Variants in DLC1 observed in about 807,000 individuals in gnomAD.
DLC1 encodes DLC1 Rho GTPase activating protein, also known as rho GTPase-activating protein 7.
DLC1 carries 54 observed loss-of-function variants against 140.3 expected under a neutral mutation model. That is an observed-to-expected ratio of 0.38 (90% CI 0.31 to 0.48). The LOEUF is 0.48. DLC1 is among the 20% of genes least tolerant of loss of function. The probability of loss-of-function intolerance (pLI) is 0.96; values close to 1 mark genes in which losing one functional copy is unlikely to be tolerated. For missense variants in DLC1, 2,536 were observed against 1,907.0 expected, an observed-to-expected ratio of 1.33 and a Z score of -6.14; for synonymous variants, 986 against 728.1, an observed-to-expected ratio of 1.35 and a Z score of -5.70.
At chr8:13,123,605 C>G (rs1221847782) in intron 5 of DLC1, among the ~76,000 whole-genome samples, 1 of 152,028 alleles carries the variant, frequency 6.6e-6, no homozygotes, top group African/African-American at 2.4e-5. Context: ...GCCTCGGCCT[C>G]CCTCCCAAAG....
intron 2 of DLC1, among the ~76,000 whole-genome samples, chr8:13,480,321 A>C (rs1800667427): frequency 6.6e-6 from 1 of 152,220 alleles, no homozygotes; most frequent in Non-Finnish European, 1.5e-5. Flanking sequence ...CCAGAAAAAT[A>C]AGAATATAAG....
chr8:13,329,097 A>C (rs1230748839), intron 4 of DLC1, among the ~76,000 whole-genome samples: 1 of 152,198 alleles, frequency 6.6e-6, no homozygotes. Context: ...CAAATATCAC[A>C]GGAGCATCAA....
chr8:13,303,968 C>T (rs1832313128), intron 5 of DLC1, among the ~76,000 whole-genome samples: 1 of 152,194 alleles, frequency 6.6e-6, no homozygotes, highest in South Asian at 2.1e-4. Flanking sequence ...TCTTTCCCCT[C>T]CTGACCAGCC....
At chr8:13,293,517 C>T (rs1001135887) in intron 5 of DLC1, among the ~76,000 whole-genome samples, 4 of 152,172 alleles carry the variant, frequency 2.6e-5, no homozygotes, top group Non-Finnish European at 5.9e-5. Flanking sequence ...TGAGTTGTTT[C>T]ATCTGCCAAA....
At chr8:13,293,023 G>T (rs185537409) in intron 5 of DLC1, among the ~76,000 whole-genome samples, 7 of 152,298 alleles carry the variant, frequency 4.6e-5, no homozygotes, top group Non-Finnish European at 1.0e-4. Context: ...AGGAGTTTGA[G>T]ACCAGCCTGG....
intron 4 of DLC1, among the ~76,000 whole-genome samples, chr8:13,353,858 G>GA (rs756022982): frequency 0.02 from 2,578 of 129,544 alleles, 54 homozygotes; most frequent in African/African-American, 0.061. Context: ...ACTTCGTCTG[G>GA]AAAAAAAAAA....
rs1286673783 is a variant in DLC1 at position 13,511,417 on chromosome 8, G to A, written c.-126+3185C>T. On this transcript the variant is annotated intron_variant, in intron 1 of 17. Coordinates refer to ENST00000276297, the MANE Select transcript of DLC1 (RefSeq NM_182643.3). The stretch of plus-strand genomic sequence containing the variant: ...CAAAATTAACAATCTTTTTTAACTG[G>A]GCCTCAAGGTCCTAGTTTATTCATT... Among the ~76,000 whole-genome samples the A allele has an allele frequency of 2.6e-5, 4 of 151,428 alleles. No individual in the cohort carries two copies. In the East Asian group the frequency reaches 7.8e-4, roughly 29 times the overall value.
Position 13,499,477 on chromosome 8 carries a change from A to T in DLC1, c.595T>A (p.Leu199Ile). The change falls in exon 2 of 18, where the codon TTA becomes ATA. Residue 199 changes from leucine (L) to isoleucine (I), a missense_variant. Transcript: ENST00000276297. ...TTGGGTGCATCTTTTATTTCACTTA[A>T]GCTTATTTCATTGCAAAGCTCCAGG... ...KSLELCNEIS[L>I]SEIKDAPKVN... is the part of the protein sequence containing the mutation. 1 of 1,614,130 alleles carries T rather than the reference A, an allele frequency of 6.2e-7. No individual in the cohort carries two copies. Among genetic ancestry groups the T allele is most frequent in the Non-Finnish European group, 8.5e-7 (1 of 1,180,008 alleles).
At chr8:13,309,867 C>A (rs1330357197) in intron 4 of DLC1, among the ~76,000 whole-genome samples, 1 of 152,096 alleles carries the variant, frequency 6.6e-6, no homozygotes, top group African/African-American at 2.4e-5. Context: ...TCTAATTGAA[C>A]CAATTTCTTC....
At chr8:13,248,319 A>C (rs756641393) in intron 5 of DLC1, among the ~76,000 whole-genome samples, 5 of 152,070 alleles carry the variant, frequency 3.3e-5, no homozygotes, top group African/African-American at 1.2e-4. Context: ...CCCCCTTAGC[A>C]AACCTCTTTT....
chr8:13,176,242 G>A (rs942705426), intron 5 of DLC1, among the ~76,000 whole-genome samples: 2 of 152,074 alleles, frequency 1.3e-5, no homozygotes, highest in African/African-American at 4.8e-5. Flanking sequence ...TGAAATAAGT[G>A]ATTTAAATTC....
intron 5 of DLC1, among the ~76,000 whole-genome samples, chr8:13,191,573 A>C (rs1826758051): frequency 6.6e-6 from 1 of 152,198 alleles, no homozygotes; most frequent in Non-Finnish European, 1.5e-5. Flanking sequence ...GCGTGCACTG[A>C]AGACAGTATT....
chr8:13,152,126 T>C (rs1226713838), intron 5 of DLC1, among the ~76,000 whole-genome samples: 1 of 152,186 alleles, frequency 6.6e-6, no homozygotes, highest in African/African-American at 2.4e-5. Flanking sequence ...CAACTGTACT[T>C]GTAAGTTTAG....
intron 5 of DLC1, among the ~76,000 whole-genome samples, chr8:13,251,731 A>G (rs1331999281): frequency 1.3e-5 from 2 of 152,126 alleles, no homozygotes; most frequent in Non-Finnish European, 2.9e-5. Context: ...ACCTCTCTGA[A>G]CCAAAGTTTC....
intron 5 of DLC1, among the ~76,000 whole-genome samples, chr8:13,203,084 C>T (rs1002254619): frequency 2.0e-5 from 3 of 152,184 alleles, no homozygotes; most frequent in African/African-American, 7.2e-5. Context: ...TCCTATGCCT[C>T]TTCTTCTGAA....
At chr8:13,174,098 G>A (rs778944759) in intron 5 of DLC1, among the ~76,000 whole-genome samples, 2 of 152,074 alleles carry the variant, frequency 1.3e-5, no homozygotes, top group African/African-American at 2.4e-5. Context: ...CCACTTATGA[G>A]TGGGGACTGT....
At chr8:13,271,839 C>A (rs1377296553) in intron 5 of DLC1, among the ~76,000 whole-genome samples, 1 of 152,156 alleles carries the variant, frequency 6.6e-6, no homozygotes, top group Admixed American at 6.5e-5. Context: ...CCACGCCTGG[C>A]TAAATTTTTA....
intron 2 of DLC1, among the ~76,000 whole-genome samples, chr8:13,476,468 G>GTT (rs11412815): frequency 0.7 from 104,615 of 148,408 alleles, 37,287 homozygotes; most frequent in African/African-American, 0.81. Context: ...ATACAGTGCA[G>GTT]TGTTTTTTTT....
chr8:13,389,202 A>G (rs1430770969), intron 4 of DLC1, among the ~76,000 whole-genome samples: 1 of 152,082 alleles, frequency 6.6e-6, no homozygotes, highest in Non-Finnish European at 1.5e-5. Context: ...GATTTAATGA[A>G]TATCTGCACT....
Sources: gnomAD v4.1 joint callset for allele counts (sites outside exome capture counted in the v4.1 genomes callset) on GRCh38, gnomAD v4.1.1 for gene constraint, MANE v1.5 for transcripts, NCBI Gene and HGNC (gene_info 2026-07-23, HGNC 2026-07-21) for gene names.